Variants in DIAPH3 observed in about 807,000 individuals in gnomAD.
The protein encoded by DIAPH3 is diaphanous related formin 3.
In DIAPH3, 117 loss-of-function variants were observed where a neutral mutation model predicts 144.3. The ratio of observed to expected loss-of-function variants is 0.81; its 90% CI spans 0.70 to 0.95. DIAPH3 has a LOEUF of 0.95. Ranked by LOEUF, DIAPH3 falls within the 40% of genes least tolerant of loss-of-function variation. The probability of loss-of-function intolerance (pLI) is 0.00; values close to 1 mark genes in which losing one functional copy is unlikely to be tolerated. For synonymous variants in DIAPH3, 519 were observed against 488.9 expected, an observed-to-expected ratio of 1.06 and a Z score of -0.81; for missense variants, 1,421 against 1,412.7, an observed-to-expected ratio of 1.01 and a Z score of -0.09.
Position 59,833,239 on chromosome 13 carries a change from C to T in DIAPH3, c.2895G>A (p.Glu965=), listed in dbSNP as rs867537800. 1.2e-6 allele frequency: 2 copies of T among 1,609,044 alleles called. No individual in the cohort carries two copies. The highest frequency in any genetic ancestry group is 1.7e-6 in the Non-Finnish European group (2 of 1,177,086). The change falls in exon 24 of 28, where the codon GAG becomes GAA. Residue 965 remains glutamate (E), a synonymous_variant. Coordinates refer to ENST00000400324, the MANE Select transcript of DIAPH3 (RefSeq NM_001042517.2). ...RFVISAKEQY[E]TLSKLHENME... Reference sequence around the variant, plus strand: ...TGTTTTCGTGTAACTTCGAAAGTGTCTCATATTGTTCTTTTGCACTGATAA... The same window carrying T: ...TGTTTTCGTGTAACTTCGAAAGTGTTTCATATTGTTCTTTTGCACTGATAA...
intron 22 of DIAPH3, chr13:59,861,167 T>C (rs1374757801): frequency 7.4e-7 from 1 of 1,353,042 alleles, no homozygotes. Flanking sequence ...CTACAAGGTT[T>C]AAACTGTAAA....
intron 27 of DIAPH3, among the ~76,000 whole-genome samples, chr13:59,757,601 C>T (rs796177157): frequency 3.9e-4 from 60 of 151,926 alleles, no homozygotes; most frequent in African/African-American, 1.4e-3. Flanking sequence ...GGGGTTTCAC[C>T]GTGTTAGCTA....
intron 24 of DIAPH3, among the ~76,000 whole-genome samples, chr13:59,812,251 T>TG (rs2040520065): frequency 3.7e-4 from 1 of 2,680 alleles, no homozygotes; most frequent in African/African-American, 4.3e-4. Context: ...CATGCATGCA[T>TG]CCATCCATCC....
At chr13:59,826,280 C>T in intron 24 of DIAPH3, among the ~76,000 whole-genome samples, 1 of 86,040 alleles carries the variant, frequency 1.2e-5, no homozygotes, top group Non-Finnish European at 2.7e-5. Flanking sequence ...ATCTAGAAAA[C>T]CCCATCGTCT....
At chr13:60,146,784 C>A (rs1475608322) in intron 1 of DIAPH3, among the ~76,000 whole-genome samples, 1 of 152,090 alleles carries the variant, frequency 6.6e-6, no homozygotes, top group Non-Finnish European at 1.5e-5. Flanking sequence ...GATTATCGCA[C>A]CATTCAAACA....
In DIAPH3 at chr13:59,933,293, C is replaced by T. The variant is rs185184320; in HGVS notation, c.2075-8423G>A. On this transcript the variant is annotated intron_variant, in intron 17 of 27. Transcript: ENST00000400324. ...CTAAACCTCATTATGGCTGTGATTG[C>T]TCACCTATGATATAGGGATACTGGC... 1.5e-3 allele frequency among the ~76,000 whole-genome samples: 229 copies of T among 152,284 alleles called. 1 individual carries two copies. The highest frequency in any genetic ancestry group is 5.0e-3 in the African/African-American group (209 of 41,538).
At chr13:59,804,887 C>T (rs1475673324) in intron 25 of DIAPH3, among the ~76,000 whole-genome samples, 1 of 152,068 alleles carries the variant, frequency 6.6e-6, no homozygotes, top group Non-Finnish European at 1.5e-5. Flanking sequence ...AATTGCATAT[C>T]TGTTGAGATT....
chr13:59,725,146 GA>G (rs1391883889), intron 27 of DIAPH3, among the ~76,000 whole-genome samples: 1 of 152,188 alleles, frequency 6.6e-6, no homozygotes, highest in African/African-American at 2.4e-5. Context: ...GAGAGAACAT[GA>G]AAAATTTTCA....
At chr13:59,936,431 C>T (rs1245517963) in intron 17 of DIAPH3, among the ~76,000 whole-genome samples, 1 of 152,034 alleles carries the variant, frequency 6.6e-6, no homozygotes, top group East Asian at 1.9e-4. Flanking sequence ...ATTTAACTAG[C>T]AGAAAAACAA....
At chr13:59,995,788 C>T (rs964386786) in intron 9 of DIAPH3, among the ~76,000 whole-genome samples, 3 of 151,808 alleles carry the variant, frequency 2.0e-5, no homozygotes, top group South Asian at 2.1e-4. Flanking sequence ...TTAAAAGCTG[C>T]GAAGGAAATT....
chr13:60,112,290 G>A, intron 2 of DIAPH3, 104 bp from the exon 3 acceptor site: 1 of 1,353,622 alleles, frequency 7.4e-7, no homozygotes, highest in South Asian at 1.2e-5. Context: ...TGTTATCATT[G>A]TGATTTCATC....
At chr13:59,975,836 A>C (rs548271903) in intron 14 of DIAPH3, among the ~76,000 whole-genome samples, 1 of 152,152 alleles carries the variant, frequency 6.6e-6, no homozygotes, top group Non-Finnish European at 1.5e-5. Context: ...AGTTGACGTA[A>C]GCCACAGCAA....
chr13:59,823,891 C>T (rs937671480), intron 24 of DIAPH3, among the ~76,000 whole-genome samples: 6 of 152,056 alleles, frequency 3.9e-5, no homozygotes, highest in South Asian at 2.1e-4. Flanking sequence ...CTACTTTAGT[C>T]GGAGAATTCA....
chr13:59,953,760 C>A lies in DIAPH3; in HGVS notation c.2074+16184G>T, dbSNP rs566071415. Among the ~76,000 whole-genome samples, 17 of 152,152 alleles carry A rather than the reference C, an allele frequency of 1.1e-4. No homozygotes were observed. The East Asian group carries it at 3.1e-3, about 28-fold the overall frequency. On this transcript the variant is annotated intron_variant, in intron 17 of 27. Coordinates refer to ENST00000400324, the MANE Select transcript of DIAPH3 (RefSeq NM_001042517.2). ...GCTACAAATGCCAGACTGAGAAGTC[C>A]CTTTTCTTTTTAATCTTTTCGTATG...
intron 25 of DIAPH3, among the ~76,000 whole-genome samples, chr13:59,797,318 C>T (rs900412773): frequency 2.0e-5 from 3 of 152,016 alleles, no homozygotes; most frequent in Non-Finnish European, 4.4e-5. Flanking sequence ...TCTGCTGTAC[C>T]CCTAGTGCCT....
chr13:59,913,230 A>T (rs1281829134), intron 19 of DIAPH3, among the ~76,000 whole-genome samples: 1 of 151,802 alleles, frequency 6.6e-6, no homozygotes, highest in East Asian at 1.9e-4. Flanking sequence ...TAATTTTTTC[A>T]CTCCATTAAT....
At chr13:59,701,436 C>T (rs138297294) in intron 27 of DIAPH3, among the ~76,000 whole-genome samples, 1 of 152,268 alleles carries the variant, frequency 6.6e-6, no homozygotes, top group African/African-American at 2.4e-5. Context: ...AAAATGCTTG[C>T]TTATCTAGCT....
rs188721921 is a variant in DIAPH3, at chr13:59,666,769, C to G, written c.3397G>C (p.Ala1133Pro). 1.5e-5 allele frequency: 24 copies of G among 1,613,982 alleles called. No individual in the cohort carries two copies. In the South Asian group the frequency reaches 2.6e-4, roughly 18 times the overall value. ...TCTAGATTATAATTAAGCTCCTTGG[C>G]GACTGGAGTCCTTGTTGAGTTGCAA... ...INCNSTRTPV[A>P]KELNYNLDTH... The change falls in exon 28 of 28, where the codon GCC becomes CCC. Residue 1133 changes from alanine (A) to proline (P), a missense_variant. Coordinates refer to ENST00000400324, the MANE Select transcript of DIAPH3 (RefSeq NM_001042517.2).
At chr13:59,703,845 A>AAAAAG (rs1217647566) in intron 27 of DIAPH3, among the ~76,000 whole-genome samples, 11 of 152,178 alleles carry the variant, frequency 7.2e-5, no homozygotes, top group African/African-American at 2.7e-4. Flanking sequence ...AACAAAATAT[A>AAAAAG]AAAAGAAAAC....
Sources: gnomAD v4.1 joint callset for allele counts (sites outside exome capture counted in the v4.1 genomes callset) on GRCh38, gnomAD v4.1.1 for gene constraint, MANE v1.5 for transcripts, NCBI Gene and HGNC (gene_info 2026-07-23, HGNC 2026-07-21) for gene names.